Variants in EVI5 observed in about 807,000 individuals in gnomAD.
EVI5 encodes ecotropic viral integration site 5, also known as ecotropic viral integration site 5 protein homolog.
Under a neutral mutation model 112.0 loss-of-function variants are expected in EVI5, and 73 were observed. The ratio of observed to expected loss-of-function variants is 0.65; its 90% CI spans 0.54 to 0.79. The LOEUF is 0.79. Among genes scored for constraint, EVI5 ranks in the 30% least tolerant of loss-of-function variants. The pLI, the probability that EVI5 is intolerant of heterozygous loss-of-function variation, is 0.00. For synonymous variants in EVI5, 305 were observed against 319.9 expected, an observed-to-expected ratio of 0.95 and a Z score of 0.50; for missense variants, 900 against 968.8, an observed-to-expected ratio of 0.93 and a Z score of 0.94.
rs558972326 is a variant in EVI5, at chr1:92,564,447, G to A, written c.2071-710C>T. Among the ~76,000 whole-genome samples the A allele has an allele frequency of 4.5e-4, 68 of 152,004 alleles. No homozygotes were observed. The South Asian group carries it at 0.014, about 31-fold the overall frequency. On this transcript the variant is annotated intron_variant, in intron 18 of 19. Transcript: ENST00000684568. Reference sequence around the variant, plus strand: ...GGAACAGAAAAGGGGGGAAAAAAAAGAAAAAGTTGTCCAAATCACTCTAAA... The same window carrying A: ...GGAACAGAAAAGGGGGGAAAAAAAAAAAAAAGTTGTCCAAATCACTCTAAA...
chr1:92,668,591 T>C (rs1195323638), intron 10 of EVI5, among the ~76,000 whole-genome samples: 1 of 152,192 alleles, frequency 6.6e-6, no homozygotes, highest in African/African-American at 2.4e-5. Context: ...CCAACCCCTT[T>C]TACGGCTTCT....
intron 19 of EVI5, among the ~76,000 whole-genome samples, chr1:92,531,391 C>T (rs1483540567): frequency 1.3e-5 from 2 of 152,138 alleles, no homozygotes; most frequent in African/African-American, 4.8e-5. Flanking sequence ...AGAGCTTCCC[C>T]AACCTAGCAA....
At chr1:92,516,136 T>C (rs1057200486) in intron 19 of EVI5, among the ~76,000 whole-genome samples, 2 of 152,166 alleles carry the variant, frequency 1.3e-5, no homozygotes, top group African/African-American at 2.4e-5. Context: ...CAACACACAA[T>C]TTATAGCTCC....
chr1:92,784,635 G>C (rs562486397), intron 1 of EVI5, among the ~76,000 whole-genome samples: 90 of 152,142 alleles, frequency 5.9e-4, no homozygotes, highest in Non-Finnish European at 9.0e-4. Context: ...AGGGCTGCGG[G>C]CGGCGGCGGC....
chr1:92,588,137 T>C (rs1202702499), intron 18 of EVI5, among the ~76,000 whole-genome samples: 1 of 152,234 alleles, frequency 6.6e-6, no homozygotes, highest in African/African-American at 2.4e-5. Context: ...TTTTTTAACC[T>C]CATTTCCCTC....
intron 18 of EVI5, among the ~76,000 whole-genome samples, chr1:92,590,972 GA>G: frequency 6.6e-6 from 1 of 152,272 alleles, no homozygotes; most frequent in South Asian, 2.1e-4. Flanking sequence ...CATTCTTAAA[GA>G]AAAGAATTTT....
intron 14 of EVI5, among the ~76,000 whole-genome samples, chr1:92,628,342 C>T (rs1209708115): frequency 1.3e-5 from 2 of 152,202 alleles, no homozygotes; most frequent in African/African-American, 4.8e-5. Flanking sequence ...TAGGTCCCAG[C>T]TATTTATCTT....
At chr1:92,537,308 G>A (rs1031930665) in intron 19 of EVI5, among the ~76,000 whole-genome samples, 11 of 145,608 alleles carry the variant, frequency 7.6e-5, no homozygotes, top group African/African-American at 2.8e-4. Flanking sequence ...ATTTGAGTTT[G>A]TATAATTAAT....
chr1:92,566,694 G>A (rs1297322255), intron 18 of EVI5, among the ~76,000 whole-genome samples: 1 of 151,620 alleles, frequency 6.6e-6, no homozygotes, highest in Non-Finnish European at 1.5e-5. Flanking sequence ...AGCTCCATGT[G>A]TAATACTATT....
chr1:92,639,392 C>T (rs1659504651), intron 13 of EVI5, among the ~76,000 whole-genome samples: 1 of 150,176 alleles, frequency 6.7e-6, no homozygotes. Flanking sequence ...GGAAGTTTCT[C>T]ATATTATTAA....
At chr1:92,634,325 G>A (rs1180559435) in intron 14 of EVI5, among the ~76,000 whole-genome samples, 1 of 152,152 alleles carries the variant, frequency 6.6e-6, no homozygotes, top group Admixed American at 6.5e-5. Flanking sequence ...CCAATCAGAC[G>A]TAGATTTGGT....
intron 2 of EVI5, among the ~76,000 whole-genome samples, chr1:92,723,087 A>G (rs558696725): frequency 6.6e-6 from 1 of 152,206 alleles, no homozygotes; most frequent in South Asian, 2.1e-4. Flanking sequence ...ATTTCCTTCA[A>G]GCTACTGTTG....
chr1:92,575,559 C>CTT (rs57088252), intron 18 of EVI5, among the ~76,000 whole-genome samples: 2 of 73,720 alleles, frequency 2.7e-5, no homozygotes, highest in Admixed American at 1.9e-4. Flanking sequence ...GTCCCTGTGC[C>CTT]TTTTTTTTTT....
chr1:92,670,205 G>C (rs1191295149), intron 10 of EVI5, among the ~76,000 whole-genome samples: 1 of 152,118 alleles, frequency 6.6e-6, no homozygotes, highest in East Asian at 1.9e-4. Flanking sequence ...TATATACAAA[G>C]ATGTTAACCA....
chr1:92,684,475 T>C lies in EVI5; in HGVS notation c.1098-7257A>G, dbSNP rs149911946. 7.2e-4 allele frequency among the ~76,000 whole-genome samples: 110 copies of C among 152,286 alleles called. 1 individual carries two copies. The East Asian group carries it at 0.016, about 22-fold the overall frequency. On this transcript the variant is annotated intron_variant, in intron 9 of 19. Transcript: ENST00000684568. ...GACAAATTGTAAAGACCAGTGACAC[T>C]GTGAAGAAACTGAATCAATTAATGG...
chr1:92,716,152 G>A (rs1673634824), intron 2 of EVI5, among the ~76,000 whole-genome samples: 2 of 152,304 alleles, frequency 1.3e-5, no homozygotes, highest in Admixed American at 1.3e-4. Flanking sequence ...CAGACAGACT[G>A]CCTCCTCAAG....
At chr1:92,555,569 G>A (rs1416976959) in intron 19 of EVI5, among the ~76,000 whole-genome samples, 1 of 152,108 alleles carries the variant, frequency 6.6e-6, no homozygotes, top group Non-Finnish European at 1.5e-5. Context: ...AATAAGCATG[G>A]CCGGGCGTGG....
intron 1 of EVI5, among the ~76,000 whole-genome samples, chr1:92,759,442 G>A (rs964327202): frequency 1.1e-4 from 16 of 152,110 alleles, no homozygotes; most frequent in Admixed American, 7.2e-4. Context: ...AGTCCTTAAC[G>A]GTTTCAAACA....
intron 9 of EVI5, among the ~76,000 whole-genome samples, chr1:92,683,690 T>C (rs1317003397): frequency 6.6e-6 from 1 of 152,114 alleles, no homozygotes; most frequent in Non-Finnish European, 1.5e-5. Context: ...CTAACTAGAA[T>C]AAACACTATA....
Sources: gnomAD v4.1 joint callset for allele counts (sites outside exome capture counted in the v4.1 genomes callset) on GRCh38, gnomAD v4.1.1 for gene constraint, MANE v1.5 for transcripts, NCBI Gene and HGNC (gene_info 2026-07-23, HGNC 2026-07-21) for gene names.